Variants in FABP3 observed in about 807,000 individuals in gnomAD.
FABP3 encodes the protein fatty acid-binding protein, heart.
A neutral mutation model predicts 13.4 loss-of-function variants in FABP3; 8 were observed. The ratio of observed to expected loss-of-function variants is 0.60; its 90% CI spans 0.35 to 1.07. The LOEUF is 1.07. Among genes scored for constraint, FABP3 ranks in the 50% least tolerant of loss-of-function variants. FABP3 has a pLI of 0.02. For missense variants in FABP3, 135 were observed against 164.7 expected (o/e 0.82, Z 0.99); for synonymous variants, 64 against 60.0 (o/e 1.07, Z -0.31).
chr1:31,366,951 G>C (rs904566707), intron 3 of FABP3, among the ~76,000 whole-genome samples: 1 of 152,134 alleles, frequency 6.6e-6, no homozygotes, highest in Non-Finnish European at 1.5e-5. Context: ...CCTCCTAGAG[G>C]GCCTGGGATC....
chr1:31,363,315 C>T (rs1639996045), downstream of FABP3, among the ~76,000 whole-genome samples: 1 of 151,978 alleles, frequency 6.6e-6, no homozygotes, highest in African/African-American at 2.4e-5. Flanking sequence ...TCCCGAGTAG[C>T]TGGGACTACA....
At position 31,373,026 on chromosome 1, in the gene FABP3, G is replaced by C; in HGVS notation, c.-12C>G. ...AAAGCGTCCACCATAGTGATGCTGG[G>C]CTAGGCTGAGAGAAGCTACAAGAGA... On this transcript the variant is annotated 5_prime_UTR_variant, in exon 1 of 4. Transcript: ENST00000373713. 6.2e-7 allele frequency: 1 copy of C among 1,613,700 alleles called. No homozygotes were observed. Among genetic ancestry groups the C allele is most frequent in the Non-Finnish European group, 8.5e-7 (1 of 1,179,832 alleles).
downstream of FABP3, chr1:31,364,217 G>A: frequency 6.3e-7 from 1 of 1,598,448 alleles, no homozygotes; most frequent in Non-Finnish European, 8.5e-7. Flanking sequence ...GTAGGGGGTG[G>A]TTGAGAGTAA....
chr1:31,359,769 C>T, the FABP3 span, among the ~76,000 whole-genome samples: 6 of 152,100 alleles, frequency 3.9e-5, no homozygotes, highest in East Asian at 1.2e-3. Flanking sequence ...CCTTGACCTG[C>T]GCCATGGGCT....
intron 3 of FABP3, 88 bp from the exon 4 acceptor site, chr1:31,366,027 C>G: frequency 9.0e-7 from 1 of 1,107,962 alleles, no homozygotes; most frequent in Non-Finnish European, 1.4e-6. Context: ...ATAATTGTCA[C>G]TTGAGTACCT....
chr1:31,361,058 C>T (rs16834403), downstream of FABP3, among the ~76,000 whole-genome samples: 1 of 152,086 alleles, frequency 6.6e-6, no homozygotes, highest in Non-Finnish European at 1.5e-5. Context: ...GGGCAGAACC[C>T]AGTGAGGCTC....
At chr1:31,371,948 T>A (rs1242355137) in intron 1 of FABP3, among the ~76,000 whole-genome samples, 2 of 152,196 alleles carry the variant, frequency 1.3e-5, no homozygotes, top group Non-Finnish European at 2.9e-5. Context: ...AGCTCTGGGT[T>A]ACAGATCTAG....
At chr1:31,362,878 G>C (rs552472855), downstream of FABP3, among the ~76,000 whole-genome samples, 1 of 152,238 alleles carries the variant, frequency 6.6e-6, no homozygotes, top group Admixed American at 6.5e-5. Context: ...TTAGACAGAA[G>C]TATTTGAAGG....
downstream of FABP3, chr1:31,364,225 T>G (rs1640045687): frequency 1.3e-6 from 2 of 1,590,268 alleles, no homozygotes; most frequent in African/African-American, 2.8e-5. Flanking sequence ...TGGTTGAGAG[T>G]AAGAAACCAG....
chr1:31,371,881 T>C (rs1369455732), intron 1 of FABP3, among the ~76,000 whole-genome samples: 1 of 152,206 alleles, frequency 6.6e-6, no homozygotes, highest in East Asian at 1.9e-4. Flanking sequence ...GGTCAATCAT[T>C]AGCTAAGCAG....
intron 1 of FABP3, among the ~76,000 whole-genome samples, chr1:31,370,774 A>G (rs951086772): frequency 2.0e-5 from 3 of 152,186 alleles, no homozygotes; most frequent in African/African-American, 7.2e-5. Context: ...TCCCCCCAGC[A>G]GCTTAACATT....
In FABP3 at chr1:31,367,473, C is replaced by T. The variant is rs1209178897; in HGVS notation, c.268G>A (p.Gly90Arg). ...CATTTCTGCAGGTGAACAAGTTTCC[C>T]TCCATCCAGTGTCACAATGGACTGT... ...KVKSIVTLDG[G>R]KLVHLQKWDG... The change falls in exon 3 of 4, where the codon GGG becomes AGG. Residue 90 changes from glycine to arginine, a missense_variant. Physicochemically the swap from Gly to Arg is moderately radical, Grantham distance 125. Transcript: ENST00000373713. 1 of 1,614,208 alleles carries T rather than the reference C, an allele frequency of 6.2e-7. No homozygotes were observed. The highest frequency in any genetic ancestry group is 8.5e-7 in the Non-Finnish European group (1 of 1,180,010).
downstream of FABP3, chr1:31,364,043 A>G: frequency 6.2e-7 from 1 of 1,607,326 alleles, no homozygotes; most frequent in Non-Finnish European, 8.5e-7. Context: ...AGAAGAAGAA[A>G]AAGAAACATA....
At chr1:31,368,799 C>A (rs777508605) in intron 2 of FABP3, among the ~76,000 whole-genome samples, 3 of 152,170 alleles carry the variant, frequency 2.0e-5, no homozygotes, top group Non-Finnish European at 4.4e-5. Flanking sequence ...TGCCCTATCA[C>A]GGAACATAGC....
intron 1 of FABP3, among the ~76,000 whole-genome samples, chr1:31,372,597 C>T (rs1421843246): frequency 6.6e-6 from 1 of 152,150 alleles, no homozygotes; most frequent in East Asian, 1.9e-4. Flanking sequence ...TTCTAAACTA[C>T]CCATGCCCCT....
downstream of FABP3, chr1:31,364,408 C>CCCTTTGCAA (rs1640054614): frequency 1.3e-6 from 1 of 787,040 alleles, no homozygotes; most frequent in East Asian, 2.8e-5. Context: ...CACTCCTGGT[C>CCCTTTGCAA]CCTTTGCAAG....
At chr1:31,368,689 G>A (rs1640152395) in intron 2 of FABP3, among the ~76,000 whole-genome samples, 2 of 152,252 alleles carry the variant, frequency 1.3e-5, no homozygotes, top group African/African-American at 4.8e-5. Context: ...GGAAGGCTGA[G>A]GCAAGCTGCC....
downstream of FABP3, chr1:31,364,127 A>C (rs1254487172): frequency 1.2e-6 from 2 of 1,613,846 alleles, no homozygotes; most frequent in Admixed American, 3.3e-5. Context: ...GGCACACATC[A>C]AAAGACAGCA....
In FABP3 at chr1:31,367,458, G is replaced by A. The variant is rs138560753; in HGVS notation, c.283C>T (p.Leu95=). The A allele has an allele frequency of 1.5e-5, 25 of 1,614,224 alleles. No homozygotes were observed. In the East Asian group the frequency reaches 5.6e-4, roughly 36 times the overall value. The change falls in exon 3 of 4, where the codon CTG becomes TTG. Residue 95 remains leucine, a synonymous_variant. Coordinates refer to ENST00000373713, the MANE Select transcript of FABP3 (RefSeq NM_004102.5). ...VTLDGGKLVH[L]QKWDGQETTL... is the part of the protein sequence containing the mutation. ...GTCTCTTGCCCGTCCCATTTCTGCAGGTGAACAAGTTTCCCTCCATCCAGT... is the reference window on the plus strand; with the variant it reads ...GTCTCTTGCCCGTCCCATTTCTGCAAGTGAACAAGTTTCCCTCCATCCAGT...
Sources: gnomAD v4.1 joint callset for allele counts (sites outside exome capture counted in the v4.1 genomes callset) on GRCh38, gnomAD v4.1.1 for gene constraint, MANE v1.5 for transcripts, NCBI Gene and HGNC (gene_info 2026-07-23, HGNC 2026-07-21) for gene names.